Variants in EVI5 observed in about 807,000 individuals in gnomAD.
The protein encoded by EVI5 is ecotropic viral integration site 5.
Under a neutral mutation model 112.0 loss-of-function variants are expected in EVI5, and 73 were observed. The ratio of observed to expected loss-of-function variants is 0.65; its 90% CI spans 0.54 to 0.79. The LOEUF (loss-of-function observed/expected upper bound fraction) is 0.79, where lower values mean the gene tolerates loss of function less well. EVI5 is among the 30% of genes least tolerant of loss of function. EVI5 has a pLI of 0.00. For missense variants in EVI5, 900 were observed against 968.8 expected (o/e 0.93, Z 0.94); for synonymous variants, 305 against 319.9 (o/e 0.95, Z 0.50).
At chr1:92,545,740 T>C (rs1195860703) in intron 19 of EVI5, among the ~76,000 whole-genome samples, 1 of 152,140 alleles carries the variant, frequency 6.6e-6, no homozygotes, top group Non-Finnish European at 1.5e-5. Context: ...GGTACCACAC[T>C]CTAAAAACAA....
At chr1:92,649,660 G>T (rs1176388711) in intron 13 of EVI5, among the ~76,000 whole-genome samples, 1 of 151,958 alleles carries the variant, frequency 6.6e-6, no homozygotes, top group Non-Finnish European at 1.5e-5. Flanking sequence ...TAAAAAATAT[G>T]GAAATTAGCT....
intron 19 of EVI5, among the ~76,000 whole-genome samples, chr1:92,544,313 C>T (rs370757322): frequency 2.6e-5 from 4 of 152,076 alleles, no homozygotes; most frequent in Admixed American, 6.6e-5. Context: ...GTAAACTTTA[C>T]GTGGGTGCAT....
intron 13 of EVI5, among the ~76,000 whole-genome samples, chr1:92,641,732 C>T (rs374647395): frequency 5.0e-4 from 76 of 152,232 alleles, no homozygotes; most frequent in African/African-American, 1.7e-3. Flanking sequence ...CAGCATATGA[C>T]CCCAAAAGGA....
intron 1 of EVI5, among the ~76,000 whole-genome samples, chr1:92,753,045 T>C (rs1680427869): frequency 6.7e-6 from 1 of 149,710 alleles, no homozygotes; most frequent in Non-Finnish European, 1.5e-5. Flanking sequence ...TTTGATAGGG[T>C]GGATAAGGAC....
chr1:92,734,981 G>A (rs1446939780), intron 2 of EVI5, among the ~76,000 whole-genome samples: 2 of 152,140 alleles, frequency 1.3e-5, no homozygotes, highest in Admixed American at 6.6e-5. Context: ...ATCATACCAA[G>A]TGTTGACAAG....
intron 9 of EVI5, among the ~76,000 whole-genome samples, chr1:92,686,241 A>C (rs1466489636): frequency 1.3e-5 from 2 of 152,240 alleles, no homozygotes; most frequent in African/African-American, 4.8e-5. Flanking sequence ...GGCTGCTTCA[A>C]CATACGAAAA....
intron 16 of EVI5, among the ~76,000 whole-genome samples, chr1:92,620,731 T>A (rs971510386): frequency 1.3e-5 from 2 of 151,924 alleles, no homozygotes; most frequent in South Asian, 4.1e-4. Flanking sequence ...CTAAAGGAAA[T>A]GATAAAAGAA....
At chr1:92,665,740 A>G (rs186459606) in intron 11 of EVI5, among the ~76,000 whole-genome samples, 199 bp downstream of exon 11, 7 of 152,354 alleles carry the variant, frequency 4.6e-5, no homozygotes, top group Admixed American at 4.6e-4. Flanking sequence ...CCTGAATACT[A>G]AAGTTTAAGA....
intron 14 of EVI5, among the ~76,000 whole-genome samples, chr1:92,628,601 T>C (rs1210100259): frequency 6.6e-6 from 1 of 152,102 alleles, no homozygotes; most frequent in Non-Finnish European, 1.5e-5. Flanking sequence ...TTTCCCACCA[T>C]ATTAAAAGAT....
chr1:92,624,357 G>C, intron 15 of EVI5, 23 bp from the exon 16 acceptor site: 1 of 1,601,284 alleles, frequency 6.2e-7, no homozygotes, highest in Non-Finnish European at 8.5e-7. Context: ...AAATTATATT[G>C]CAACAAATAC....
At chr1:92,575,241 C>G (rs758670582) in intron 18 of EVI5, among the ~76,000 whole-genome samples, 12 of 152,168 alleles carry the variant, frequency 7.9e-5, no homozygotes, top group Admixed American at 1.3e-4. Flanking sequence ...CTTTTGCTCT[C>G]TATGTGTACA....
chr1:92,758,516 GC>G (rs1253718855), intron 1 of EVI5, among the ~76,000 whole-genome samples: 1 of 147,960 alleles, frequency 6.8e-6, no homozygotes, highest in Non-Finnish European at 1.5e-5. Context: ...GCTGCAGTGA[GC>G]CATTATTCAG....
chr1:92,780,289 A>T (rs1179970277), intron 1 of EVI5, among the ~76,000 whole-genome samples: 5 of 152,302 alleles, frequency 3.3e-5, no homozygotes, highest in Admixed American at 6.5e-5. Flanking sequence ...TTTCTTTATA[A>T]ATTACCCCGT....
At chr1:92,539,542 CAAAAAAA>C (rs1209654037) in intron 19 of EVI5, among the ~76,000 whole-genome samples, 2 of 16,822 alleles carry the variant, frequency 1.2e-4, no homozygotes, top group African/African-American at 3.5e-4. Flanking sequence ...GACTCCATCT[CAAAAAAA>C]AAAAAAAAAA....
chr1:92,662,509 C>A (rs1315810782), intron 13 of EVI5, among the ~76,000 whole-genome samples: 1 of 152,050 alleles, frequency 6.6e-6, no homozygotes, highest in Admixed American at 6.5e-5. Flanking sequence ...TCTAACAAAA[C>A]TATGTAGACA....
intron 10 of EVI5, among the ~76,000 whole-genome samples, chr1:92,669,118 TACTC>T (rs1465387411): frequency 6.6e-6 from 1 of 152,190 alleles, no homozygotes; most frequent in African/African-American, 2.4e-5. Flanking sequence ...ATATGCCAAA[TACTC>T]AGTTAATGAT....
intron 16 of EVI5, 97 bp from the exon 17 acceptor site, chr1:92,607,824 T>C (rs1650788416): frequency 4.0e-6 from 3 of 744,090 alleles, no homozygotes; most frequent in Non-Finnish European, 6.3e-6. Flanking sequence ...TTATTAAAAA[T>C]GTTACTAGTT....
intron 19 of EVI5, among the ~76,000 whole-genome samples, chr1:92,524,226 A>C (rs1209965590): frequency 6.6e-6 from 1 of 152,142 alleles, no homozygotes; most frequent in Admixed American, 6.5e-5. Context: ...TTGTATTTTA[A>C]ACAAGTACTC....
Position 92,568,764 on chromosome 1 carries a change from T to G in EVI5, c.2071-5027A>C, listed in dbSNP as rs561383267. Reference sequence around the variant, plus strand: ...ATAAGAATGAAGACTGTCGCCATGATCCACTTCCATTTAATGAATAATATA... The same window carrying G: ...ATAAGAATGAAGACTGTCGCCATGAGCCACTTCCATTTAATGAATAATATA... On this transcript the variant is annotated intron_variant, in intron 18 of 19. Transcript: ENST00000684568. 1.2e-3 allele frequency among the ~76,000 whole-genome samples: 183 copies of G among 152,346 alleles called. 1 individual carries two copies. Among genetic ancestry groups the G allele is most frequent in the Non-Finnish European group, 2.3e-3 (157 of 68,038 alleles).
Sources: gnomAD v4.1 joint callset for allele counts (sites outside exome capture counted in the v4.1 genomes callset) on GRCh38, gnomAD v4.1.1 for gene constraint, MANE v1.5 for transcripts, NCBI Gene and HGNC (gene_info 2026-07-23, HGNC 2026-07-21) for gene names.